Variants in KCNS3 observed in about 807,000 individuals in gnomAD.
KCNS3 encodes the protein potassium voltage-gated channel modifier subfamily S member 3.
Under a neutral mutation model 31.0 loss-of-function variants are expected in KCNS3, and 13 were observed. That is an observed-to-expected ratio of 0.42 (90% CI 0.27 to 0.67). The LOEUF (loss-of-function observed/expected upper bound fraction) is 0.67, where lower values mean the gene tolerates loss of function less well. Among genes scored for constraint, KCNS3 ranks in the 30% least tolerant of loss-of-function variants. The probability of loss-of-function intolerance (pLI) is 0.25; values close to 1 mark genes in which losing one functional copy is unlikely to be tolerated. For synonymous variants in KCNS3, 238 were observed against 241.5 expected (o/e 0.99, Z 0.13); for missense variants, 545 against 622.4 (o/e 0.88, Z 1.32).
chr2:17,899,861 A>C (rs989313830), intron 1 of KCNS3, among the ~76,000 whole-genome samples: 1 of 152,254 alleles, frequency 6.6e-6, no homozygotes, highest in Non-Finnish European at 1.5e-5. Flanking sequence ...CAGAAAGGGC[A>C]TGAGGTGATA....
intron 2 of KCNS3, among the ~76,000 whole-genome samples, chr2:17,925,351 T>C (rs1343214102): frequency 6.6e-6 from 1 of 152,234 alleles, no homozygotes; most frequent in East Asian, 1.9e-4. Flanking sequence ...AGTTGCTATC[T>C]GGAGGCTTCA....
chr2:17,908,909 G>A (rs545075370), intron 1 of KCNS3, among the ~76,000 whole-genome samples: 1 of 152,166 alleles, frequency 6.6e-6, no homozygotes, highest in African/African-American at 2.4e-5. Context: ...CGGGGGTCAG[G>A]GACTCACTTG....
chr2:17,890,509 G>A (rs1189061991), intron 1 of KCNS3, among the ~76,000 whole-genome samples: 1 of 151,948 alleles, frequency 6.6e-6, no homozygotes, highest in Non-Finnish European at 1.5e-5. Flanking sequence ...TCTTTGAGGT[G>A]TGACTTTAGA....
intron 1 of KCNS3, among the ~76,000 whole-genome samples, chr2:17,887,187 T>C (rs914166005): frequency 6.6e-6 from 1 of 152,176 alleles, no homozygotes; most frequent in Non-Finnish European, 1.5e-5. Flanking sequence ...TCTTTAGTGG[T>C]GATTCGTGAG....
intron 1 of KCNS3, among the ~76,000 whole-genome samples, chr2:17,916,541 CT>C (rs1467770420): frequency 6.6e-6 from 1 of 152,194 alleles, no homozygotes; most frequent in Admixed American, 6.5e-5. Flanking sequence ...AGTATAATCT[CT>C]GTTGGAGGTG....
intron 2 of KCNS3, among the ~76,000 whole-genome samples, chr2:17,928,497 C>G (rs898721441): frequency 2.0e-5 from 3 of 152,112 alleles, no homozygotes; most frequent in African/African-American, 7.2e-5. Flanking sequence ...GAACTCCTGG[C>G]CTCAAATGAT....
chr2:17,926,768 C>A (rs888484099), intron 2 of KCNS3, among the ~76,000 whole-genome samples: 2 of 152,258 alleles, frequency 1.3e-5, no homozygotes, highest in Non-Finnish European at 2.9e-5. Context: ...GCTTCTAGGC[C>A]TGTGGTGAAA....
intron 2 of KCNS3, chr2:17,919,482 G>GA (rs2125249818): frequency 6.6e-6 from 1 of 152,318 alleles, no homozygotes; most frequent in South Asian, 2.1e-4. Context: ...AGGCAGCTCA[G>GA]ACACAAGTTT....
At chr2:17,906,014 T>G (rs1283863068) in intron 1 of KCNS3, among the ~76,000 whole-genome samples, 1 of 152,216 alleles carries the variant, frequency 6.6e-6, no homozygotes, top group African/African-American at 2.4e-5. Flanking sequence ...TTCTATTGAT[T>G]GGAATAGTTT....
chr2:17,881,694 G>A (rs1674647208), intron 1 of KCNS3, among the ~76,000 whole-genome samples: 1 of 152,184 alleles, frequency 6.6e-6, no homozygotes, highest in South Asian at 2.1e-4. Context: ...TGACTGCAGA[G>A]CCACTGTGAG....
intron 1 of KCNS3, among the ~76,000 whole-genome samples, chr2:17,889,656 A>C (rs1661792099): frequency 6.6e-6 from 1 of 152,148 alleles, no homozygotes; most frequent in Non-Finnish European, 1.5e-5. Flanking sequence ...GATTTTGTCT[A>C]ATGCTTTTTT....
chr2:17,923,922 G>A (rs1185764996), intron 2 of KCNS3, among the ~76,000 whole-genome samples: 2 of 151,994 alleles, frequency 1.3e-5, no homozygotes, highest in East Asian at 3.9e-4. Context: ...ATTTTTATAG[G>A]AATTGTATTT....
intron 1 of KCNS3, among the ~76,000 whole-genome samples, chr2:17,897,559 A>G (rs147791751): frequency 7.2e-5 from 11 of 152,294 alleles, no homozygotes; most frequent in Middle Eastern, 3.4e-3. Context: ...GGTGATGATG[A>G]GCATTTTTTC....
chr2:17,904,332 G>A (rs559967646), intron 1 of KCNS3, among the ~76,000 whole-genome samples: 3 of 151,226 alleles, frequency 2.0e-5, no homozygotes, highest in Non-Finnish European at 3.0e-5. Flanking sequence ...TAAATTTGTT[G>A]GAGTTCTTTG....
chr2:17,925,190 G>A (rs2125252894), intron 2 of KCNS3, among the ~76,000 whole-genome samples: 1 of 152,280 alleles, frequency 6.6e-6, no homozygotes, highest in Admixed American at 6.5e-5. Context: ...AGACCATGAT[G>A]AGAAGGAGAG....
rs560341333 is a variant in KCNS3 at position 17,904,697 on chromosome 2, C to A, written c.-251-12983C>A. On this transcript the variant is annotated intron_variant, in intron 1 of 2. Coordinates refer to ENST00000304101, the MANE Select transcript of KCNS3 (RefSeq NM_002252.5). ...ACATATGGCTAGCCAGTTTTCCCAGCACCATTTATTAAATAGGGAATCCTT... is the reference window on the plus strand; with the variant it reads ...ACATATGGCTAGCCAGTTTTCCCAGAACCATTTATTAAATAGGGAATCCTT... 3.6e-3 allele frequency among the ~76,000 whole-genome samples: 549 copies of A among 152,296 alleles called. 6 individuals carry two copies. Among genetic ancestry groups the A allele is most frequent in the African/African-American group, 0.013 (538 of 41,548 alleles).
At chr2:17,885,295 T>C (rs1361990747) in intron 1 of KCNS3, among the ~76,000 whole-genome samples, 2 of 152,200 alleles carry the variant, frequency 1.3e-5, no homozygotes, top group South Asian at 4.1e-4. Flanking sequence ...CCTCCTTACC[T>C]GGTCTTCTTC....
At chr2:17,884,112 G>A (rs1280355771) in intron 1 of KCNS3, among the ~76,000 whole-genome samples, 23 of 88,556 alleles carry the variant, frequency 2.6e-4, no homozygotes, top group African/African-American at 1.0e-3. Flanking sequence ...GTTGTGGGGT[G>A]GGGGGAGGGG....
In KCNS3 at chr2:17,931,372, C is replaced by A. The variant is rs752117283; in HGVS notation, c.364C>A (p.Gln122Lys). 6.2e-7 allele frequency: 1 copy of A among 1,614,148 alleles called. No individual in the cohort carries two copies. The highest frequency in any genetic ancestry group is 8.5e-7 in the Non-Finnish European group (1 of 1,180,032). ...FIDSCCSNRY[Q>K]ERKEENHEKD... Reference sequence around the variant, plus strand: ...TGATTCTTGCTGCAGCAATCGCTACCAGGAACGCAAGGAGGAAAACCACGA... The same window carrying A: ...TGATTCTTGCTGCAGCAATCGCTACAAGGAACGCAAGGAGGAAAACCACGA... Residue 122 changes from glutamine to lysine, a missense_variant, in exon 3 of 3, where the codon CAG (glutamine) becomes AAG (lysine). Coordinates refer to ENST00000304101, the MANE Select transcript of KCNS3 (RefSeq NM_002252.5). This position sits in a 1 kb window ranked among gnomAD's most constrained non-coding sequence, Gnocchi z 5.4.
Sources: allele counts gnomAD v4.1 joint callset (sites outside exome capture counted in the v4.1 genomes callset), GRCh38; gene constraint gnomAD v4.1.1; non-coding constraint Gnocchi (gnomAD v3.1); transcripts MANE v1.5; gene names NCBI Gene and HGNC (gene_info 2026-07-23, HGNC 2026-07-21).